PTGFRN: variants seen among roughly 807,000 people sequenced by gnomAD.
PTGFRN encodes prostaglandin F2 receptor negative regulator.
In PTGFRN, 35 loss-of-function variants were observed where a neutral mutation model predicts 83.2. The ratio of observed to expected loss-of-function variants is 0.42; its 90% CI spans 0.32 to 0.56. The LOEUF (loss-of-function observed/expected upper bound fraction) is 0.56. Among genes scored for constraint, PTGFRN ranks in the 20% least tolerant of loss-of-function variants. The pLI is 0.11. For missense variants in PTGFRN, 1,051 were observed against 1,179.5 expected, an observed-to-expected ratio of 0.89 and a Z score of 1.60; for synonymous variants, 519 against 498.6, an observed-to-expected ratio of 1.04 and a Z score of -0.55.
At chr1:116,938,988 T>G (rs1005573536) in intron 1 of PTGFRN, among the ~76,000 whole-genome samples, 2 of 152,214 alleles carry the variant, frequency 1.3e-5, no homozygotes, top group Non-Finnish European at 2.9e-5. Flanking sequence ...ACGTCTCACA[T>G]CCAGGTCACG....
In PTGFRN at chr1:116,988,272, G is replaced by A. The variant is rs1201646978; in HGVS notation, c.*1305G>A. On this transcript the variant is annotated 3_prime_UTR_variant, in exon 9 of 9. Coordinates refer to ENST00000393203, the MANE Select transcript of PTGFRN (RefSeq NM_020440.4). ...CCAGCAATTTGCTGTTATGTGAATG[G>A]CCTGTAGAGCAGAGTCAAGAGCGGT... The A allele has an allele frequency of 1.3e-5, 2 of 152,272 alleles. No individual in the cohort carries two copies. The highest frequency in any genetic ancestry group is 2.9e-5 in the Non-Finnish European group (2 of 68,050). The allele number at this position is 152,272 out of a possible 1,614,324, so 9.4% of individuals were successfully genotyped here.
At chr1:116,954,001 C>T (rs1414746435) in intron 4 of PTGFRN, among the ~76,000 whole-genome samples, 3 of 151,850 alleles carry the variant, frequency 2.0e-5, no homozygotes, top group Non-Finnish European at 4.4e-5. Context: ...TACAGGGCGC[C>T]TGCCACCATG....
chr1:116,910,578 C>G (rs977173315), intron 1 of PTGFRN, among the ~76,000 whole-genome samples: 3 of 152,028 alleles, frequency 2.0e-5, no homozygotes, highest in African/African-American at 7.2e-5. Context: ...GCCGGGAGCC[C>G]GGCTCACCTT....
intron 1 of PTGFRN, among the ~76,000 whole-genome samples, chr1:116,937,824 CT>C (rs139974826): frequency 3.8e-4 from 58 of 152,260 alleles, no homozygotes; most frequent in African/African-American, 1.4e-3. Context: ...TAGAGGTGGC[CT>C]GCTCAGCACA....
intron 7 of PTGFRN, among the ~76,000 whole-genome samples, chr1:116,981,872 A>G (rs907634913): frequency 6.6e-6 from 1 of 152,206 alleles, no homozygotes; most frequent in African/African-American, 2.4e-5. Context: ...GATTGAACCA[A>G]AATTGGCTCC....
intron 1 of PTGFRN, among the ~76,000 whole-genome samples, chr1:116,914,847 G>T (rs1649360578): frequency 1.4e-5 from 2 of 143,416 alleles, no homozygotes; most frequent in Admixed American, 6.9e-5. Flanking sequence ...TGAGTATTTT[G>T]TTTTTTTTTC....
At chr1:116,916,175 G>T (rs1449807231) in intron 1 of PTGFRN, among the ~76,000 whole-genome samples, 1 of 152,178 alleles carries the variant, frequency 6.6e-6, no homozygotes, top group East Asian at 1.9e-4. Context: ...AAAATGTTCT[G>T]GGACCTTAAT....
intron 6 of PTGFRN, among the ~76,000 whole-genome samples, chr1:116,972,692 G>C (rs939723070): frequency 2.0e-5 from 3 of 152,184 alleles, no homozygotes; most frequent in African/African-American, 7.2e-5. Flanking sequence ...GGAAACCCAA[G>C]GGGAGTCCCA....
intron 1 of PTGFRN, among the ~76,000 whole-genome samples, chr1:116,938,394 G>A (rs868625598): frequency 8.5e-5 from 13 of 152,214 alleles, no homozygotes; most frequent in African/African-American, 2.4e-4. Context: ...CCTCACAATC[G>A]TGGCGGAAGG....
At chr1:116,977,136 A>T (rs1032987708) in intron 7 of PTGFRN, among the ~76,000 whole-genome samples, 13 of 152,230 alleles carry the variant, frequency 8.5e-5, no homozygotes, top group Non-Finnish European at 1.8e-4. Context: ...AGGCCATTAC[A>T]TAATGGTAAA....
chr1:116,935,928 TATATTG>T (rs1649911802), intron 1 of PTGFRN, among the ~76,000 whole-genome samples: 1 of 152,216 alleles, frequency 6.6e-6, no homozygotes, highest in Non-Finnish European at 1.5e-5. Context: ...GAAGGTTTCT[TATATTG>T]ACTCCTGAAA....
rs753985047 is a variant in PTGFRN, at chr1:116,944,704, C to G, written c.444C>G (p.Gly148=). The G allele has an allele frequency of 7.0e-7, 1 of 1,421,516 alleles. No homozygotes were observed. The highest frequency in any genetic ancestry group is 9.2e-7 in the Non-Finnish European group (1 of 1,092,628). The allele number at this position is 1,421,516 out of a possible 1,614,324, so 88.1% of individuals were successfully genotyped here. A position where few individuals can be genotyped will look rare whatever the true frequency, so the allele number is the denominator to read the frequency against. Residue 148 remains glycine, a synonymous_variant, in exon 3 of 9, where the codon GGC becomes GGG. Coordinates refer to ENST00000393203, the MANE Select transcript of PTGFRN (RefSeq NM_020440.4). ...TGCTGGCCGACTCCCTGCACGTGGG[C>G]CCCAGCGCGCGGCCCCCGCCGAGCC... ...VKVLADSLHV[G]PSARPPPSLS...
intron 5 of PTGFRN, 61 bp from the exon 6 acceptor site, chr1:116,966,850 G>A: frequency 2.7e-6 from 4 of 1,497,862 alleles, no homozygotes; most frequent in Non-Finnish European, 3.6e-6. Context: ...TTTGCTTTTA[G>A]TTGCATTTTT....
intron 5 of PTGFRN, among the ~76,000 whole-genome samples, chr1:116,962,016 C>T (rs985980554): frequency 5.9e-5 from 9 of 152,158 alleles, no homozygotes; most frequent in East Asian, 3.8e-4. Context: ...AGGACAGTTT[C>T]CCCCAGAGCC....
rs767624651 is a variant in PTGFRN, at chr1:116,949,535, C to T, written c.1176C>T (p.Ala392=). The part of the protein sequence containing the change: ...HNRSWHKVAE[A]VSSPAGVGVT... ...GGAGCTGGCACAAAGTGGCAGAGGC[C>T]GTGTCTTCCCCAGCTGGTGTGGGTG... Residue 392 remains alanine, a synonymous_variant, in exon 4 of 9, where the codon GCC becomes GCT. Coordinates refer to ENST00000393203, the MANE Select transcript of PTGFRN (RefSeq NM_020440.4). 3.3e-5 allele frequency: 54 copies of T among 1,613,692 alleles called. No individual in the cohort carries two copies. Among genetic ancestry groups the T allele is most frequent in the Non-Finnish European group, 4.2e-5 (50 of 1,179,990 alleles).
At chr1:116,977,810 A>G (rs1012968510) in intron 7 of PTGFRN, among the ~76,000 whole-genome samples, 1 of 152,242 alleles carries the variant, frequency 6.6e-6, no homozygotes. Flanking sequence ...CAATTAAAAG[A>G]ACTAGGGAAG....
Position 116,978,457 on chromosome 1 carries a change from G to A in PTGFRN, c.2167+4134G>A, listed in dbSNP as rs1186550768. ...TAGACCAATATCCCTGATGAACATCGATGCAAAAATCCTCAATAAAATACT... is the reference window on the plus strand; with the variant it reads ...TAGACCAATATCCCTGATGAACATCAATGCAAAAATCCTCAATAAAATACT... On this transcript the variant is annotated intron_variant, in intron 7 of 8. Coordinates refer to ENST00000393203, the MANE Select transcript of PTGFRN (RefSeq NM_020440.4). Among the ~76,000 whole-genome samples, 11 of 152,064 alleles carry A rather than the reference G, an allele frequency of 7.2e-5. 1 individual carries two copies. The South Asian group carries it at 8.3e-4, about 11-fold the overall frequency.
chr1:116,942,132 G>C, intron 2 of PTGFRN, 49 bp downstream of exon 2: 1 of 1,552,990 alleles, frequency 6.4e-7, no homozygotes, highest in Non-Finnish European at 8.7e-7. Context: ...ACCTTTCTCT[G>C]CCCCTGGGCT....
chr1:116,979,247 C>T (rs1286540224), intron 7 of PTGFRN, among the ~76,000 whole-genome samples: 2 of 152,186 alleles, frequency 1.3e-5, no homozygotes, highest in Non-Finnish European at 2.9e-5. Flanking sequence ...AAGAACATTC[C>T]ATCCTCATGG....
Sources: allele counts gnomAD v4.1 joint callset (sites outside exome capture counted in the v4.1 genomes callset), GRCh38; gene constraint gnomAD v4.1.1; transcripts MANE v1.5; gene names NCBI Gene and HGNC (gene_info 2026-07-23, HGNC 2026-07-21).